The following SPATA13 variants were observed in gnomAD, a reference collection of about 807,000 sequenced individuals.
The protein encoded by SPATA13 is spermatogenesis associated 13.
SPATA13 carries 50 observed loss-of-function variants against 104.0 expected under a neutral mutation model. That is an observed-to-expected ratio of 0.48 (90% CI 0.38 to 0.61). The LOEUF (loss-of-function observed/expected upper bound fraction) is 0.61, where lower values mean the gene tolerates loss of function less well. Ranked by LOEUF, SPATA13 falls within the 20% of genes least tolerant of loss-of-function variation. The pLI, the probability that SPATA13 is intolerant of heterozygous loss-of-function variation, is 0.00. For missense variants in SPATA13, 1,524 were observed against 1,690.6 expected (o/e 0.90, Z 1.73); for synonymous variants, 606 against 667.5 (o/e 0.91, Z 1.42).
In SPATA13 at chr13:24,175,499, A is replaced by G. The variant is rs74041908; in HGVS notation, c.-112+14567A>G. Reference sequence around the variant, plus strand: ...GAAACTCTGAAGAAAACCCAGCTTGATCTCAGAATCAGAGTCCAGACAGCT... The same window carrying G: ...GAAACTCTGAAGAAAACCCAGCTTGGTCTCAGAATCAGAGTCCAGACAGCT... On this transcript the variant is annotated intron_variant, in intron 1 of 12. Transcript: ENST00000382108. Among the ~76,000 whole-genome samples, 777 of 152,292 alleles carry G rather than the reference A, an allele frequency of 5.1e-3. 6 individuals are homozygous for G. Among genetic ancestry groups the G allele is most frequent in the African/African-American group, 0.017 (723 of 41,558 alleles).
chr13:24,224,045 C>T lies in SPATA13; in HGVS notation c.1116C>T (p.Asp372=). The T allele has an allele frequency of 6.5e-7, 1 of 1,549,556 alleles. No individual in the cohort carries two copies. Among genetic ancestry groups the T allele is most frequent in the Non-Finnish European group, 8.7e-7 (1 of 1,145,964 alleles). The change falls in exon 2 of 13, where the codon GAC becomes GAT. Residue 372 remains aspartate (D), a synonymous_variant. Coordinates refer to ENST00000382108, the MANE Select transcript of SPATA13 (RefSeq NM_001166271.3). ...SRRVSRSTEQ[D]SRRGGAVMHG... Reference sequence around the variant, plus strand: ...GCGTCTCCAGGAGCACTGAGCAGGACAGCAGGCGGGGCGGGGCGGTCATGC... The same window carrying T: ...GCGTCTCCAGGAGCACTGAGCAGGATAGCAGGCGGGGCGGGGCGGTCATGC...
chr13:24,063,631 C>A (rs1465115804), intron 3 of SPATA13, among the ~76,000 whole-genome samples: 1 of 152,168 alleles, frequency 6.6e-6, no homozygotes, highest in Non-Finnish European at 1.5e-5. Flanking sequence ...ACACAGCTTC[C>A]CTGAGCCCAC....
At chr13:24,090,818 T>A (rs1274893264) in intron 3 of SPATA13, among the ~76,000 whole-genome samples, 1 of 152,274 alleles carries the variant, frequency 6.6e-6, no homozygotes, top group Non-Finnish European at 1.5e-5. Flanking sequence ...CTTTATTTCC[T>A]GTGTGCATGG....
intron 3 of SPATA13, among the ~76,000 whole-genome samples, chr13:24,029,448 C>A (rs962765742): frequency 2.6e-5 from 4 of 151,790 alleles, no homozygotes; most frequent in Non-Finnish European, 4.4e-5. Context: ...AGTAGGGTTG[C>A]CATAAAAAAT....
At chr13:24,264,279 AAAG>A (rs1383524625) in intron 4 of SPATA13, among the ~76,000 whole-genome samples, 1 of 152,180 alleles carries the variant, frequency 6.6e-6, no homozygotes, top group African/African-American at 2.4e-5. Context: ...TTGGATTTTA[AAAG>A]AAGAAGAAAG....
intron 1 of SPATA13, among the ~76,000 whole-genome samples, chr13:24,181,373 C>A (rs1292861233): frequency 6.6e-6 from 1 of 152,086 alleles, no homozygotes; most frequent in Non-Finnish European, 1.5e-5. Context: ...TTTTTAAAAT[C>A]TTTTACTGTT....
intron 3 of SPATA13, among the ~76,000 whole-genome samples, chr13:24,053,335 T>C (rs9507230): frequency 0.019 from 2,885 of 152,306 alleles, 37 homozygotes; most frequent in Middle Eastern, 0.048. Context: ...AAATATCTAG[T>C]GAACTCTAGG....
At position 24,224,567 on chromosome 13, in the gene SPATA13, AAAGGAG is replaced by A; in HGVS notation, c.1645_1650del (p.Lys549_Glu550del). The A allele has an allele frequency of 6.5e-7, 1 of 1,539,006 alleles. No homozygotes were observed. The highest frequency in any genetic ancestry group is 2.4e-5 in the East Asian group (1 of 40,908). Reference sequence around the variant, plus strand: ...TTGGTGTGGCAGCCGGCCCAGAAGAAAAGGAGAAGGAGGAGGTAAGGGCAGCGGCGA... The same window carrying A: ...TTGGTGTGGCAGCCGGCCCAGAAGAAAAGGAGGAGGTAAGGGCAGCGGCGA... On this transcript the variant is annotated inframe_deletion, in exon 2 of 13. Transcript: ENST00000382108.
intron 3 of SPATA13, among the ~76,000 whole-genome samples, chr13:24,095,546 G>A (rs1169690518): frequency 6.6e-6 from 1 of 152,122 alleles, no homozygotes; most frequent in Non-Finnish European, 1.5e-5. Context: ...GGAGCTATAC[G>A]TTTAGAAATG....
At chr13:24,102,882 G>A (rs1419837183) in intron 3 of SPATA13, among the ~76,000 whole-genome samples, 1 of 152,110 alleles carries the variant, frequency 6.6e-6, no homozygotes, top group African/African-American at 2.4e-5. Flanking sequence ...AACCAACATC[G>A]TGGAGACTTT....
intron 2 of SPATA13, among the ~76,000 whole-genome samples, chr13:24,241,745 T>C (rs1391834670): frequency 6.6e-6 from 1 of 152,230 alleles, no homozygotes; most frequent in African/African-American, 2.4e-5. Flanking sequence ...AAAAGGCAGC[T>C]TTAGACAGAA....
At position 24,058,861 on chromosome 13, in the gene SPATA13, A is replaced by G. The variant is rs190802358; in HGVS notation, c.-112+41160A>G. 2.2e-4 allele frequency among the ~76,000 whole-genome samples: 33 copies of G among 151,862 alleles called. 1 individual carries two copies. Among genetic ancestry groups the G allele is most frequent in the Non-Finnish European group, 4.1e-4 (28 of 67,856 alleles). On this transcript the variant is annotated intron_variant, in intron 3 of 14. Transcript: ENST00000424834. ...CCCACGGAAGTTGTCTTTGAACATC[A>G]CCTTTCTTGGACAGCTGTGCATTTG...
chr13:24,295,259 A>G (rs1247914453), intron 10 of SPATA13, among the ~76,000 whole-genome samples: 5 of 151,806 alleles, frequency 3.3e-5, no homozygotes, highest in Admixed American at 1.3e-4. Context: ...TAATTTTTTT[A>G]TCTTATAAAT....
intron 3 of SPATA13, among the ~76,000 whole-genome samples, chr13:24,131,833 A>G (rs1036298438): frequency 6.6e-6 from 1 of 152,164 alleles, no homozygotes; most frequent in African/African-American, 2.4e-5. Flanking sequence ...GCAGGGTGTT[A>G]AATAGCAACA....
At chr13:24,278,637 C>T in intron 4 of SPATA13, 1 of 1,478,860 alleles carries the variant, frequency 6.8e-7, no homozygotes, top group African/African-American at 1.4e-5. Context: ...ATCATCATTC[C>T]ACTTGAGGCT....
At position 24,286,172 on chromosome 13, in the gene SPATA13, A is replaced by C. The variant is rs1303996252; in HGVS notation, c.2302-42A>C. The C allele has an allele frequency of 1.2e-5, 19 of 1,544,230 alleles. No homozygotes were observed. Among genetic ancestry groups the C allele is most frequent in the Non-Finnish European group, 1.7e-5 (19 of 1,141,258 alleles). On this transcript the variant is annotated intron_variant, in intron 5 of 12. Coordinates refer to ENST00000382108, the MANE Select transcript of SPATA13 (RefSeq NM_001166271.3). The surrounding 1 kb of genome is among the most constrained non-coding windows in gnomAD (Gnocchi z 4.9). The stretch of plus-strand genomic sequence containing the variant: ...TAGTGGCTCCCTCACCATCCCGCCC[A>C]CTCGTGCTCTATGCTGAGCGCACCC...
intron 3 of SPATA13, among the ~76,000 whole-genome samples, chr13:24,049,202 G>A (rs936587775): frequency 6.6e-6 from 1 of 152,194 alleles, no homozygotes; most frequent in Non-Finnish European, 1.5e-5. Context: ...CAGCAATACC[G>A]TTGTGCCCAG....
intron 3 of SPATA13, among the ~76,000 whole-genome samples, chr13:24,139,022 A>G (rs1165663331): frequency 6.6e-6 from 1 of 152,234 alleles, no homozygotes; most frequent in East Asian, 1.9e-4. Flanking sequence ...TGCTTAAAGC[A>G]ACATAAATGA....
intron 1 of SPATA13, among the ~76,000 whole-genome samples, chr13:24,190,289 A>ACC (rs1566141617): frequency 0.049 from 374 of 7,652 alleles, 139 homozygotes; most frequent in Admixed American, 0.2. Flanking sequence ...TATAATATAT[A>ACC]ATATTATATA....
Sources: gnomAD v4.1 joint callset for allele counts (sites outside exome capture counted in the v4.1 genomes callset) on GRCh38, gnomAD v4.1.1 for gene constraint, Gnocchi (gnomAD v3.1) non-coding constraint, MANE v1.5 for transcripts, NCBI Gene and HGNC (gene_info 2026-07-23, HGNC 2026-07-21) for gene names.